The following MYO5B variants were observed in gnomAD, a reference collection of about 807,000 sequenced individuals.
The protein encoded by MYO5B is myosin VB.
Under a neutral mutation model 229.3 loss-of-function variants are expected in MYO5B, and 143 were observed. The observed-to-expected ratio is 0.62, with a 90% CI of 0.54 to 0.72. The LOEUF (loss-of-function observed/expected upper bound fraction) is 0.72, where lower values mean the gene tolerates loss of function less well. Among genes scored for constraint, MYO5B ranks in the 30% least tolerant of loss-of-function variants. The pLI is 0.00. For missense variants in MYO5B, 2,321 were observed against 2,331.0 expected, an observed-to-expected ratio of 1.00 and a Z score of 0.09; for synonymous variants, 918 against 885.2, an observed-to-expected ratio of 1.04 and a Z score of -0.66.
intron 1 of MYO5B, among the ~76,000 whole-genome samples, chr18:50,077,168 T>TAAAAA (rs71169476): frequency 1.7e-3 from 135 of 81,186 alleles, no homozygotes; most frequent in South Asian, 4.2e-3. Context: ...TGTGGCAAAG[T>TAAAAA]AAAAAAAAAA....
chr18:50,107,193 C>T (rs909134767), intron 1 of MYO5B, among the ~76,000 whole-genome samples: 2 of 138,220 alleles, frequency 1.4e-5, no homozygotes, highest in African/African-American at 5.4e-5. Context: ...GATCTCAGCT[C>T]ACTGCAACTG....
At chr18:49,967,708 T>C (rs542170236) in intron 10 of MYO5B, among the ~76,000 whole-genome samples, 1 of 152,240 alleles carries the variant, frequency 6.6e-6, no homozygotes, top group East Asian at 1.9e-4. Context: ...TTGAAGCCTA[T>C]AAAATCTCAC....
At chr18:50,021,456 G>A (rs62098884) in intron 4 of MYO5B, among the ~76,000 whole-genome samples, 1,816 of 152,274 alleles carry the variant, frequency 0.012, 34 homozygotes, top group Admixed American at 0.052. Flanking sequence ...CTCAAGAGGG[G>A]ATATAATAAA....
chr18:50,152,864 T>TAAAAAAAA (rs67858852), intron 1 of MYO5B, among the ~76,000 whole-genome samples: 1 of 125,442 alleles, frequency 8.0e-6, no homozygotes, highest in African/African-American at 3.0e-5. Flanking sequence ...TTCTCAAAAC[T>TAAAAAAAA]AAAAAAAAAA....
At chr18:50,167,644 T>A (rs1374528514) in intron 1 of MYO5B, among the ~76,000 whole-genome samples, 3 of 152,214 alleles carry the variant, frequency 2.0e-5, no homozygotes, top group Non-Finnish European at 2.9e-5. Context: ...ACCCAAACCC[T>A]GCTGGCTGTT....
At chr18:49,868,938 C>A (rs1230254472) in intron 27 of MYO5B, among the ~76,000 whole-genome samples, 1 of 152,212 alleles carries the variant, frequency 6.6e-6, no homozygotes, top group African/African-American at 2.4e-5. Flanking sequence ...GCAGAAATTT[C>A]TAAAATTCTG....
At chr18:50,022,311 C>T (rs2026284318) in intron 4 of MYO5B, among the ~76,000 whole-genome samples, 1 of 152,216 alleles carries the variant, frequency 6.6e-6, no homozygotes, top group Non-Finnish European at 1.5e-5. Context: ...AATTGAGATA[C>T]TGTTCTAATG....
chr18:49,988,094 T>C (rs1169864620), intron 7 of MYO5B, among the ~76,000 whole-genome samples: 2 of 152,134 alleles, frequency 1.3e-5, no homozygotes, highest in South Asian at 2.1e-4. Context: ...CTCAGACAAA[T>C]GCACAAAACT....
chr18:50,002,632 G>A (rs570863613), intron 4 of MYO5B, among the ~76,000 whole-genome samples: 53 of 152,326 alleles, frequency 3.5e-4, no homozygotes, highest in African/African-American at 1.2e-3. Flanking sequence ...CGGTTTGTAA[G>A]TGCTGTATTC....
intron 2 of MYO5B, among the ~76,000 whole-genome samples, chr18:50,041,048 G>A (rs2030001247): frequency 6.6e-6 from 1 of 152,208 alleles, no homozygotes; most frequent in East Asian, 1.9e-4. Context: ...TAAGAAGGTA[G>A]TGGGGATGTT....
intron 10 of MYO5B, among the ~76,000 whole-genome samples, chr18:49,967,135 T>A (rs1341055218): frequency 6.6e-6 from 1 of 152,174 alleles, no homozygotes; most frequent in Admixed American, 6.5e-5. Flanking sequence ...TAAGAATCGA[T>A]GCTGAAATGT....
chr18:50,040,453 C>T, intron 2 of MYO5B, 139 bp from the exon 3 acceptor site: 1 of 964,644 alleles, frequency 1.0e-6, no homozygotes, highest in South Asian at 1.4e-5. Flanking sequence ...GAAAGACAAG[C>T]TGAACAAAAT....
intron 22 of MYO5B, among the ~76,000 whole-genome samples, chr18:49,893,710 G>T (rs1354484680): frequency 6.6e-6 from 1 of 152,178 alleles, no homozygotes; most frequent in African/African-American, 2.4e-5. Flanking sequence ...AGATCCCTGG[G>T]GTCTGGGTGA....
At chr18:49,943,158 T>G (rs7243637) in intron 14 of MYO5B, among the ~76,000 whole-genome samples, 1 of 140,748 alleles carries the variant, frequency 7.1e-6, no homozygotes, top group Non-Finnish European at 1.5e-5. Flanking sequence ...TAGGTGGGAA[T>G]TGAACAATGA....
chr18:50,039,578 G>A (rs1217315522), intron 3 of MYO5B, among the ~76,000 whole-genome samples: 4 of 152,126 alleles, frequency 2.6e-5, no homozygotes, highest in South Asian at 2.1e-4. Flanking sequence ...TGATCCGCCC[G>A]CCTCGGCCTC....
At chr18:50,089,721 C>A (rs2031406098) in intron 1 of MYO5B, among the ~76,000 whole-genome samples, 1 of 152,154 alleles carries the variant, frequency 6.6e-6, no homozygotes, top group South Asian at 2.1e-4. Flanking sequence ...CGCTGCTCTG[C>A]AAACACAAAC....
intron 11 of MYO5B, 148 bp downstream of exon 11, chr18:49,962,801 C>A: frequency 1.3e-6 from 1 of 767,780 alleles, no homozygotes; most frequent in Non-Finnish European, 2.3e-6. Context: ...GAGCCCCTTC[C>A]GAAAGCTGGA....
chr18:49,907,881 T>G (rs946920409), intron 18 of MYO5B, among the ~76,000 whole-genome samples: 1 of 152,214 alleles, frequency 6.6e-6, no homozygotes, highest in Admixed American at 6.5e-5. Flanking sequence ...CTCAGAGCCA[T>G]GCACCCACTG....
chr18:49,939,717 C>T (rs1186081578), intron 14 of MYO5B, among the ~76,000 whole-genome samples: 1 of 152,198 alleles, frequency 6.6e-6, no homozygotes, highest in Non-Finnish European at 1.5e-5. Flanking sequence ...ACCTCGGCCT[C>T]CGGATGCCCA....
Sources: allele counts gnomAD v4.1 joint callset (sites outside exome capture counted in the v4.1 genomes callset), GRCh38; gene constraint gnomAD v4.1.1; transcripts MANE v1.5; gene names NCBI Gene and HGNC (gene_info 2026-07-23, HGNC 2026-07-21).